WDR38: variants seen among roughly 807,000 people sequenced by gnomAD.
WDR38 encodes the protein WD repeat-containing protein 38.
WDR38 carries 37 observed loss-of-function variants against 36.6 expected under a neutral mutation model. That is an observed-to-expected ratio of 1.01 (90% CI 0.78 to 1.33). The LOEUF is 1.33. Among genes scored for constraint, WDR38 ranks in the 40% most tolerant of loss-of-function variants. The probability of loss-of-function intolerance (pLI) is 0.00; values close to 1 mark genes in which losing one functional copy is unlikely to be tolerated. For missense variants in WDR38, 411 were observed against 414.6 expected, an observed-to-expected ratio of 0.99 and a Z score of 0.07; for synonymous variants, 164 against 168.1, an observed-to-expected ratio of 0.98 and a Z score of 0.19.
Position 124,857,873 on chromosome 9 carries a change from A to T in WDR38, c.*243A>T. The T allele has an allele frequency of 6.2e-7, 1 of 1,603,194 alleles. No homozygotes were observed. On this transcript the variant is annotated 3_prime_UTR_variant, in exon 9 of 9. Transcript: ENST00000373574. The stretch of plus-strand genomic sequence containing the variant: ...CACCCAATCAGTGGAAGTGCCAGGA[A>T]ACAAAGCAGTCTCAGCCAGCTGTGC...
In WDR38 at chr9:124,857,361, C is replaced by G; in HGVS notation, c.769-3C>G. On this transcript the variant is annotated splice_polypyrimidine_tract_variant and splice_region_variant and intron_variant, in intron 7 of 8. Transcript: ENST00000373574. ...TTCCTGACATGCCCCCCTCCTTTTC[C>G]AGGTCAAAGTCTGGGACTGCAACAC... 1 of 1,614,104 alleles carries G rather than the reference C, an allele frequency of 6.2e-7. No individual in the cohort carries two copies. The highest frequency in any genetic ancestry group is 1.3e-5 in the African/African-American group (1 of 75,020).
chr9:124,855,998 G>A (rs1298950322), intron 4 of WDR38, 40 bp downstream of exon 4: 1 of 1,612,392 alleles, frequency 6.2e-7, no homozygotes, highest in Non-Finnish European at 8.5e-7. Context: ...GGGATTCAAG[G>A]ACCAGTTCCA....
chr9:124,854,797 C>T (rs923993426), intron 2 of WDR38, among the ~76,000 whole-genome samples: 1 of 152,156 alleles, frequency 6.6e-6, no homozygotes, highest in Non-Finnish European at 1.5e-5. Context: ...AACTCCTGAC[C>T]TCGTGATCCA....
chr9:124,854,086 G>A, intron 1 of WDR38, 119 bp from the exon 2 acceptor site: 1 of 1,499,368 alleles, frequency 6.7e-7, no homozygotes, highest in South Asian at 1.2e-5. Flanking sequence ...CTCTGGTGGT[G>A]GAGTGAGGCT....
In WDR38 at chr9:124,854,197, G is replaced by C; in HGVS notation, c.70-8G>C. On this transcript the variant is annotated splice_polypyrimidine_tract_variant and splice_region_variant and intron_variant, in intron 1 of 8. Coordinates refer to ENST00000373574, the MANE Select transcript of WDR38 (RefSeq NM_001045476.3). ...CCCAGAATGGGACCGCTTTTGTGCT[G>C]TTTCTAGGTCAACTCTTCTGCCTTC... 1 of 1,613,962 alleles carries C rather than the reference G, an allele frequency of 6.2e-7. No individual in the cohort carries two copies. Among genetic ancestry groups the C allele is most frequent in the Non-Finnish European group, 8.5e-7 (1 of 1,179,888 alleles).
At position 124,857,678 on chromosome 9, in the gene WDR38, C is replaced by T. The variant is rs373383079; in HGVS notation, c.*48C>T. The T allele has an allele frequency of 3.5e-4, 570 of 1,609,578 alleles. 1 individual carries two copies. The highest frequency in any genetic ancestry group is 2.5e-4 in the Non-Finnish European group (293 of 1,179,210). ...CGACCTCACCCGCTCCCCTCAGTGG[C>T]GCACAGGCATGCCGCTTCTCCCCAC... On this transcript the variant is annotated 3_prime_UTR_variant, in exon 9 of 9. Coordinates refer to ENST00000373574, the MANE Select transcript of WDR38 (RefSeq NM_001045476.3).
chr9:124,855,768 C>T lies in WDR38; in HGVS notation c.307+18C>T, dbSNP rs749323621. 1 of 1,613,148 alleles carries T rather than the reference C, an allele frequency of 6.2e-7. No homozygotes were observed. Among genetic ancestry groups the T allele is most frequent in the African/African-American group, 1.3e-5 (1 of 75,064 alleles). ...CCTGAAGGGTGAGTGAGCTGGGAGC[C>T]AAGCAGCCAGGCCAGCGTTCCCTTT... On this transcript the variant is annotated intron_variant, in intron 3 of 8. Coordinates refer to ENST00000373574, the MANE Select transcript of WDR38 (RefSeq NM_001045476.3).
chr9:124,855,568 G>A, intron 2 of WDR38, 66 bp from the exon 3 acceptor site: 3 of 1,506,858 alleles, frequency 2.0e-6, no homozygotes, highest in Non-Finnish European at 2.7e-6. Context: ...AAATTAGCAA[G>A]GATTGGACTG....
At position 124,853,600 on chromosome 9, in the gene WDR38, G is replaced by T; in HGVS notation, c.69G>T (p.Glu23Asp). The change falls in exon 1 of 9, where the codon GAG (glutamate) becomes GAT (aspartate). Residue 23 changes from glutamate to aspartate, a missense_variant and splice_region_variant. Coordinates refer to ENST00000373574, the MANE Select transcript of WDR38 (RefSeq NM_001045476.3). ...RVKFFGQHGG[E>D]VNSSAFSPDG... is the part of the protein sequence containing the mutation. ...AATTCTTCGGCCAGCACGGCGGGGA[G>T]GTGAGGTCCAGCGGGCTCTGCCCAG... 7.9e-7 allele frequency: 1 copy of T among 1,271,684 alleles called. No homozygotes were observed. Among genetic ancestry groups the T allele is most frequent in the South Asian group, 3.8e-5 (1 of 26,216 alleles). The allele number at this position is 1,271,684 out of a possible 1,614,324, so 78.8% of individuals were successfully genotyped here. A position where few individuals can be genotyped will look rare whatever the true frequency, so the allele number is the denominator to read the frequency against.
intron 7 of WDR38, 74 bp from the exon 8 acceptor site, chr9:124,857,290 G>A (rs1204902615): frequency 6.3e-7 from 1 of 1,593,764 alleles, no homozygotes; most frequent in East Asian, 2.2e-5. Context: ...TTTTGTCTGG[G>A]ACTTTCCTGG....
chr9:124,856,179 C>G (rs948778514), intron 4 of WDR38, 61 bp from the exon 5 acceptor site: 1 of 1,607,706 alleles, frequency 6.2e-7, no homozygotes, highest in Admixed American at 1.7e-5. Context: ...CTTTCCTGGA[C>G]TGTCAAGGCC....
chr9:124,855,256 T>A (rs991444111), intron 2 of WDR38, among the ~76,000 whole-genome samples: 1 of 152,174 alleles, frequency 6.6e-6, no homozygotes, highest in African/African-American at 2.4e-5. Flanking sequence ...TCAATAGATA[T>A]AACTATTGTA....
intron 4 of WDR38, 121 bp downstream of exon 4, chr9:124,856,079 A>G: frequency 4.0e-6 from 6 of 1,515,168 alleles, no homozygotes; most frequent in Non-Finnish European, 4.5e-6. Flanking sequence ...TGCCCACAGC[A>G]GGCAACCAAG....
Position 124,856,891 on chromosome 9 carries a change from C to T in WDR38, c.768+10C>T, listed in dbSNP as rs150666968. The T allele has an allele frequency of 6.0e-4, 961 of 1,613,430 alleles. 1 individual carries two copies. The highest frequency in any genetic ancestry group is 7.5e-4 in the Non-Finnish European group (887 of 1,180,044). ...CGGCTATTCCCGCATGGTAACCACC[C>T]CGGGCCCATCCTGCTCCTACCTACC... On this transcript the variant is annotated intron_variant, in intron 7 of 8. Transcript: ENST00000373574.
chr9:124,855,569 G>A (rs999379745), intron 2 of WDR38, 65 bp from the exon 3 acceptor site: 2 of 1,512,378 alleles, frequency 1.3e-6, no homozygotes, highest in African/African-American at 2.7e-5. Flanking sequence ...AATTAGCAAG[G>A]ATTGGACTGC....
chr9:124,855,199 T>C (rs919797950), intron 2 of WDR38, among the ~76,000 whole-genome samples: 7 of 152,196 alleles, frequency 4.6e-5, no homozygotes, highest in Admixed American at 2.6e-4. Context: ...CGCTGAGCCA[T>C]TTCCACTGGC....
At chr9:124,856,019 C>A in intron 4 of WDR38, 61 bp downstream of exon 4, 1 of 1,602,444 alleles carries the variant, frequency 6.2e-7, no homozygotes, top group South Asian at 1.1e-5. Context: ...GAGAGGATGT[C>A]ACCAGTCTTG....
In WDR38 at chr9:124,853,484, C is replaced by T; in HGVS notation, c.-48C>T. On this transcript the variant is annotated 5_prime_UTR_variant, in exon 1 of 9. Coordinates refer to ENST00000373574, the MANE Select transcript of WDR38 (RefSeq NM_001045476.3). ...TCCTCTGCCCAGTCCTGGGGTCCCG[C>T]GGCCGCCTAGGAGGGAGCCCGCCGG... The T allele has an allele frequency of 8.4e-7, 1 of 1,196,778 alleles. No homozygotes were observed. Among genetic ancestry groups the T allele is most frequent in the Non-Finnish European group, 1.1e-6 (1 of 948,028 alleles). The allele number at this position is 1,196,778 out of a possible 1,614,324, so 74.1% of individuals were successfully genotyped here. A position where few individuals can be genotyped will look rare whatever the true frequency, so the allele number is the denominator to read the frequency against.
chr9:124,853,594 C>A lies in WDR38; in HGVS notation c.63C>A (p.Gly21=). The change falls in exon 1 of 9, where the codon GGC becomes GGA. Residue 21 remains glycine (G), a synonymous_variant. Coordinates refer to ENST00000373574, the MANE Select transcript of WDR38 (RefSeq NM_001045476.3). ...GAGTGAAATTCTTCGGCCAGCACGG[C>A]GGGGAGGTGAGGTCCAGCGGGCTCT... ...VRRVKFFGQH[G]GEVNSSAFSP... is the part of the protein sequence containing the mutation. 1 of 1,271,146 alleles carries A rather than the reference C, an allele frequency of 7.9e-7. No homozygotes were observed. The highest frequency in any genetic ancestry group is 1.0e-6 in the Non-Finnish European group (1 of 1,001,120). The allele number at this position is 1,271,146 out of a possible 1,614,324, so 78.7% of individuals were successfully genotyped here.
Sources: gnomAD v4.1 joint callset for allele counts (sites outside exome capture counted in the v4.1 genomes callset) on GRCh38, gnomAD v4.1.1 for gene constraint, MANE v1.5 for transcripts, NCBI Gene and HGNC (gene_info 2026-07-23, HGNC 2026-07-21) for gene names.